WBP1L: variants seen among roughly 807,000 people sequenced by gnomAD.
The protein encoded by WBP1L is WW domain binding protein 1-like.
WBP1L carries 17 observed loss-of-function variants against 33.7 expected under a neutral mutation model. The ratio of observed to expected loss-of-function variants is 0.50; its 90% CI spans 0.34 to 0.76. WBP1L has a LOEUF of 0.76. Ranked by LOEUF, WBP1L falls within the 30% of genes least tolerant of loss-of-function variation. The pLI, the probability that WBP1L is intolerant of heterozygous loss-of-function variation, is 0.01. For missense variants in WBP1L, 389 were observed against 469.4 expected, an observed-to-expected ratio of 0.83 and a Z score of 1.58; for synonymous variants, 173 against 190.8, an observed-to-expected ratio of 0.91 and a Z score of 0.77.
At chr10:102,753,697 T>C (rs1381682244) in intron 1 of WBP1L, among the ~76,000 whole-genome samples, 1 of 152,236 alleles carries the variant, frequency 6.6e-6, no homozygotes, top group Non-Finnish European at 1.5e-5. Flanking sequence ...GCTGTCGTCT[T>C]CACAGTGCCA....
intron 1 of WBP1L, 25 bp from the exon 2 acceptor site, chr10:102,797,968 C>A: frequency 8.1e-6 from 13 of 1,596,692 alleles, no homozygotes; most frequent in Non-Finnish European, 1.1e-5. Flanking sequence ...ATTTAATATG[C>A]TAACATGCTT....
At chr10:102,776,528 AC>A in intron 1 of WBP1L, 1 of 1,413,220 alleles carries the variant, frequency 7.1e-7, no homozygotes, top group Non-Finnish European at 1.0e-6. Context: ...TCTCAGTTAG[AC>A]CAGGCCAGCT....
chr10:102,795,548 A>G (rs760894096), intron 1 of WBP1L, among the ~76,000 whole-genome samples: 29 of 152,202 alleles, frequency 1.9e-4, no homozygotes, highest in Admixed American at 7.9e-4. Flanking sequence ...GTAGGTCATG[A>G]GGATGCCACT....
intron 1 of WBP1L, among the ~76,000 whole-genome samples, chr10:102,758,328 A>G (rs1420323895): frequency 6.6e-6 from 1 of 152,164 alleles, no homozygotes; most frequent in African/African-American, 2.4e-5. Flanking sequence ...GACTATTTTC[A>G]TCACTCCAAA....
chr10:102,771,051 G>C (rs1189749633), intron 1 of WBP1L, among the ~76,000 whole-genome samples: 2 of 152,140 alleles, frequency 1.3e-5, no homozygotes, highest in Non-Finnish European at 2.9e-5. Context: ...CACATCATAG[G>C]GTTGTTGTGG....
intron 1 of WBP1L, chr10:102,776,296 GCA>G (rs1843261049): frequency 1.2e-6 from 2 of 1,611,312 alleles, no homozygotes; most frequent in East Asian, 4.5e-5. Context: ...CAGGACCACC[GCA>G]CACACAGGCC....
intron 1 of WBP1L, among the ~76,000 whole-genome samples, chr10:102,790,737 T>C (rs1276414194): frequency 6.6e-6 from 1 of 152,060 alleles, no homozygotes; most frequent in East Asian, 1.9e-4. Context: ...GGTCTCGAAT[T>C]CCTGACCTCG....
intron 1 of WBP1L, among the ~76,000 whole-genome samples, chr10:102,753,359 C>G (rs1842942942): frequency 6.6e-6 from 1 of 152,142 alleles, no homozygotes; most frequent in African/African-American, 2.4e-5. Context: ...CAAAGTCTGG[C>G]CTGAAAACTG....
chr10:102,794,854 C>T (rs1188283802), intron 1 of WBP1L, among the ~76,000 whole-genome samples: 1 of 152,204 alleles, frequency 6.6e-6, no homozygotes, highest in African/African-American at 2.4e-5. Flanking sequence ...TGAAGGAACT[C>T]ACTTTGGCAC....
chr10:102,804,961 A>G (rs928798241), intron 2 of WBP1L, among the ~76,000 whole-genome samples: 1 of 139,442 alleles, frequency 7.2e-6, no homozygotes, highest in African/African-American at 3.0e-5. Flanking sequence ...TAAAACGGGG[A>G]AAACAAAACA....
intron 1 of WBP1L, among the ~76,000 whole-genome samples, chr10:102,789,503 G>GCT (rs1843465929): frequency 6.6e-6 from 1 of 152,134 alleles, no homozygotes; most frequent in South Asian, 2.1e-4. Context: ...AGCAGTCAGG[G>GCT]CTCTACTCAG....
chr10:102,756,998 G>A (rs551135702), intron 1 of WBP1L, among the ~76,000 whole-genome samples: 3 of 151,850 alleles, frequency 2.0e-5, no homozygotes, highest in Non-Finnish European at 4.4e-5. Context: ...AACAATTCTC[G>A]GGCCTCAGCC....
intron 2 of WBP1L, among the ~76,000 whole-genome samples, chr10:102,808,571 G>A (rs1250209151): frequency 6.6e-6 from 1 of 152,244 alleles, no homozygotes; most frequent in African/African-American, 2.4e-5. Flanking sequence ...TCTACTGCAA[G>A]GGCAGGCCAA....
intron 1 of WBP1L, among the ~76,000 whole-genome samples, chr10:102,794,385 AGGAGAATCATTTGAACCC>A (rs1456545369): frequency 6.6e-6 from 1 of 152,146 alleles, no homozygotes; most frequent in Non-Finnish European, 1.5e-5. Flanking sequence ...AGGCTGAGGC[AGGAGAATCATTTGAACCC>A]GGGAGGTGGA....
chr10:102,811,496 T>C (rs1843842408), intron 3 of WBP1L, among the ~76,000 whole-genome samples: 1 of 152,116 alleles, frequency 6.6e-6, no homozygotes, highest in African/African-American at 2.4e-5. Flanking sequence ...CTTTCACAAT[T>C]GTTTCTTTAC....
intron 1 of WBP1L, among the ~76,000 whole-genome samples, chr10:102,781,067 A>T (rs1843328259): frequency 1.3e-5 from 2 of 151,850 alleles, no homozygotes; most frequent in African/African-American, 4.8e-5. Flanking sequence ...ACAGGGGGCA[A>T]CTCCTGGCCC....
intron 1 of WBP1L, among the ~76,000 whole-genome samples, chr10:102,774,585 A>T (rs747180924): frequency 6.6e-6 from 1 of 152,148 alleles, no homozygotes; most frequent in Non-Finnish European, 1.5e-5. Flanking sequence ...CTAATGATCA[A>T]ACAGTGCTTT....
chr10:102,757,686 C>T (rs1432311550), intron 1 of WBP1L, among the ~76,000 whole-genome samples: 1 of 145,560 alleles, frequency 6.9e-6, no homozygotes, highest in African/African-American at 2.5e-5. Context: ...TAGCGATCAT[C>T]CCACCTTAGC....
intron 1 of WBP1L, among the ~76,000 whole-genome samples, chr10:102,773,104 A>G (rs1262696005): frequency 6.6e-6 from 1 of 152,180 alleles, no homozygotes; most frequent in African/African-American, 2.4e-5. Context: ...GTTAATGATC[A>G]TCTTGCTTTT....
Sources: allele counts gnomAD v4.1 joint callset (sites outside exome capture counted in the v4.1 genomes callset), GRCh38; gene constraint gnomAD v4.1.1; transcripts MANE v1.5; gene names NCBI Gene and HGNC (gene_info 2026-07-23, HGNC 2026-07-21).